Variants in SLC35D1 observed in about 807,000 individuals in gnomAD.
The protein encoded by SLC35D1 is solute carrier family 35 member D1.
Under a neutral mutation model 46.7 loss-of-function variants are expected in SLC35D1, and 31 were observed. The ratio of observed to expected loss-of-function variants is 0.66; its 90% CI spans 0.50 to 0.90. The LOEUF is 0.90. SLC35D1 is among the 40% of genes least tolerant of loss of function. SLC35D1 has a pLI of 0.00. For synonymous variants in SLC35D1, 195 were observed against 164.6 expected, an observed-to-expected ratio of 1.18 and a Z score of -1.41; for missense variants, 397 against 426.2, an observed-to-expected ratio of 0.93 and a Z score of 0.60.
At chr1:67,037,425 G>A (rs1558162178) in intron 8 of SLC35D1, among the ~76,000 whole-genome samples, 1 of 152,104 alleles carries the variant, frequency 6.6e-6, no homozygotes. Flanking sequence ...CTCATCCAGG[G>A]ATGCAATCAG....
At chr1:67,017,820 T>C (rs973442993) in intron 10 of SLC35D1, among the ~76,000 whole-genome samples, 4 of 152,188 alleles carry the variant, frequency 2.6e-5, no homozygotes, top group African/African-American at 9.7e-5. Flanking sequence ...GTTTAATCCA[T>C]TCTTAGGACT....
chr1:66,984,535 TC>T, the SLC35D1 span: 1 of 1,476,260 alleles, frequency 6.8e-7, no homozygotes, highest in Non-Finnish European at 9.1e-7. Context: ...TTAACTTTTT[TC>T]TAATTGTGGT....
chr1:67,044,010 A>G (rs550742392), intron 7 of SLC35D1, among the ~76,000 whole-genome samples: 56 of 152,284 alleles, frequency 3.7e-4, no homozygotes, highest in Non-Finnish European at 6.3e-4. Flanking sequence ...AGCAGCACTG[A>G]AAAATTGGAA....
intron 10 of SLC35D1, among the ~76,000 whole-genome samples, chr1:67,020,129 T>C (rs1667767697): frequency 6.6e-6 from 1 of 152,150 alleles, no homozygotes. Context: ...CCTTCCTCTA[T>C]TCAGATAATA....
At position 67,000,899 on chromosome 1, in the gene SLC35D1, A is replaced by C. The variant is rs1667326217; in HGVS notation, c.*3441T>G. 6.6e-6 allele frequency: 1 copy of C among 152,302 alleles called. No homozygotes were observed. Among genetic ancestry groups the C allele is most frequent in the African/African-American group, 2.4e-5 (1 of 41,426 alleles). 9.4% of individuals were successfully genotyped at this position (152,302 alleles called of 1,614,324 possible). ...TTACAAAAGTCCTCTCGGATTAAAA[A>C]AATGCTTTAGCTCTGTGGGGCGTCC... is the stretch of plus-strand genomic sequence containing the variant. On this transcript the variant is annotated 3_prime_UTR_variant, in exon 12 of 12. Coordinates refer to ENST00000235345, the MANE Select transcript of SLC35D1 (RefSeq NM_015139.3).
intron 10 of SLC35D1, among the ~76,000 whole-genome samples, chr1:67,014,085 AC>A (rs748025790): frequency 1.3e-5 from 2 of 152,234 alleles, no homozygotes; most frequent in Non-Finnish European, 2.9e-5. Context: ...TACTTTGTTG[AC>A]CCTGTTGCTT....
chr1:67,025,702 A>T (rs1307181044), intron 8 of SLC35D1, among the ~76,000 whole-genome samples: 1 of 152,170 alleles, frequency 6.6e-6, no homozygotes, highest in Non-Finnish European at 1.5e-5. Context: ...TAAACATAAA[A>T]ATCACTTATT....
At chr1:67,029,485 A>G (rs574494477) in intron 8 of SLC35D1, among the ~76,000 whole-genome samples, 11 of 152,368 alleles carry the variant, frequency 7.2e-5, no homozygotes, top group African/African-American at 2.6e-4. Flanking sequence ...ACGACTCAGG[A>G]GACCAGCTTC....
the SLC35D1 span, among the ~76,000 whole-genome samples, chr1:66,979,763 CT>C: frequency 7.4e-3 from 1,018 of 138,404 alleles, 2 homozygotes; most frequent in African/African-American, 0.013. Flanking sequence ...TTTGCCTTGG[CT>C]TTTTTTTTTT....
the SLC35D1 span, chr1:66,987,947 A>C: frequency 0.031 from 4,663 of 152,354 alleles, 118 homozygotes; most frequent in Middle Eastern, 0.13. Context: ...GGATTATATA[A>C]TTTAAAAATA....
chr1:66,989,301 C>T, the SLC35D1 span, among the ~76,000 whole-genome samples: 1 of 152,166 alleles, frequency 6.6e-6, no homozygotes, highest in Non-Finnish European at 1.5e-5. Flanking sequence ...TTGGTATTCT[C>T]ATCGTTGTTA....
chr1:66,975,538 AAAAG>A, the SLC35D1 span, among the ~76,000 whole-genome samples: 32,835 of 151,670 alleles, frequency 0.22, 3,876 homozygotes, highest in Non-Finnish European at 0.25. Context: ...AAAAAAAAGA[AAAAG>A]AAAGGAAAAA....
rs1367405094 is a variant in SLC35D1, at chr1:67,004,380, G to A, written c.1028C>T (p.Ala343Val). Residue 343 changes from alanine to valine, a missense_variant, in exon 12 of 12, where the codon GCT becomes GTT. Ala to Val is a moderately conservative substitution (Grantham distance 64, BLOSUM62 0). Coordinates refer to ENST00000235345, the MANE Select transcript of SLC35D1 (RefSeq NM_015139.3). ...CCCCTTAATGTCCAGCTTGTTATTAGCCTCTGACTGTTTGCTCAGCTGCTC... is the reference window on the plus strand; with the variant it reads ...CCCCTTAATGTCCAGCTTGTTATTAACCTCTGACTGTTTGCTCAGCTGCTC... ...TEEQLSKQSEANNKLDIKGKG... is the reference protein window; with the variant it reads ...TEEQLSKQSEVNNKLDIKGKG... 9.9e-6 allele frequency: 16 copies of A among 1,613,856 alleles called. No individual in the cohort carries two copies. The highest frequency in any genetic ancestry group is 1.4e-5 in the Non-Finnish European group (16 of 1,179,972).
intron 8 of SLC35D1, among the ~76,000 whole-genome samples, chr1:67,022,576 C>G (rs1291417170): frequency 1.3e-5 from 2 of 152,172 alleles, no homozygotes; most frequent in African/African-American, 4.8e-5. Flanking sequence ...TCTCTTCGAA[C>G]TGTAAATCTT....
At chr1:67,017,507 G>A (rs972235616) in intron 10 of SLC35D1, among the ~76,000 whole-genome samples, 3 of 152,056 alleles carry the variant, frequency 2.0e-5, no homozygotes, top group South Asian at 2.1e-4. Context: ...ACTAGACAAC[G>A]TAAACTTCAG....
intron 8 of SLC35D1, among the ~76,000 whole-genome samples, chr1:67,035,125 TTC>T (rs1451317470): frequency 1.3e-5 from 2 of 152,016 alleles, no homozygotes; most frequent in Non-Finnish European, 2.9e-5. Context: ...TGGCCTACAG[TTC>T]TGTGTTGTGT....
chr1:66,991,980 A>G, the SLC35D1 span, among the ~76,000 whole-genome samples: 1 of 152,192 alleles, frequency 6.6e-6, no homozygotes, highest in African/African-American at 2.4e-5. Context: ...TATAAATGGG[A>G]TACCTTAAAG....
intron 8 of SLC35D1, among the ~76,000 whole-genome samples, chr1:67,030,715 G>A (rs112978756): frequency 8.1e-4 from 123 of 151,942 alleles, no homozygotes; most frequent in Non-Finnish European, 6.9e-4. Context: ...CTCTGCTTTC[G>A]GTGTACAATT....
Position 67,051,803 on chromosome 1 carries a change from CA to C in SLC35D1, c.392+208del, listed in dbSNP as rs34503429. Among the ~76,000 whole-genome samples, 95,816 of 151,802 alleles carry C rather than the reference CA, an allele frequency of 0.63. 30,553 individuals carry two copies. Among genetic ancestry groups the C allele is most frequent in the South Asian group, 0.74 (3,584 of 4,820 alleles). ...AAAATGAGGGGTAAAAAAACAAAAA[CA>C]AAAAACTCCTCTTTCTCTTCAAAGA... On this transcript the variant is annotated intron_variant, in intron 4 of 11. Transcript: ENST00000235345.
Sources: gnomAD v4.1 joint callset for allele counts (sites outside exome capture counted in the v4.1 genomes callset) on GRCh38, gnomAD v4.1.1 for gene constraint, MANE v1.5 for transcripts, NCBI Gene and HGNC (gene_info 2026-07-23, HGNC 2026-07-21) for gene names.